The following FAXC variants were observed in gnomAD, a reference collection of about 807,000 sequenced individuals.
The protein encoded by FAXC is failed axon connections homolog, metaxin like GST domain containing.
In FAXC, 10 loss-of-function variants were observed where a neutral mutation model predicts 41.9. That is an observed-to-expected ratio of 0.24 (90% CI 0.15 to 0.41). The LOEUF is 0.41. Among genes scored for constraint, FAXC ranks in the 10% least tolerant of loss-of-function variants. The probability of loss-of-function intolerance (pLI) is 1.00; values close to 1 mark genes in which losing one functional copy is unlikely to be tolerated. For missense variants in FAXC, 399 were observed against 510.9 expected, an observed-to-expected ratio of 0.78 and a Z score of 2.11; for synonymous variants, 183 against 183.8, an observed-to-expected ratio of 1.00 and a Z score of 0.03.
chr6:99,301,352 C>T (rs1257439176), intron 4 of FAXC, among the ~76,000 whole-genome samples: 1 of 152,184 alleles, frequency 6.6e-6, no homozygotes, highest in Admixed American at 6.5e-5. Flanking sequence ...ACTCCTCTAC[C>T]GAATGTGCTT....
At chr6:99,337,436 G>T (rs951203422) in intron 2 of FAXC, among the ~76,000 whole-genome samples, 1 of 152,184 alleles carries the variant, frequency 6.6e-6, no homozygotes, top group African/African-American at 2.4e-5. Flanking sequence ...ATCAAATGAT[G>T]TAGGTGTCTT....
chr6:99,319,890 C>G (rs557072660), intron 4 of FAXC, among the ~76,000 whole-genome samples: 5 of 152,286 alleles, frequency 3.3e-5, no homozygotes, highest in South Asian at 2.1e-4. Context: ...ACTGAATTCT[C>G]TCATTAACTG....
At chr6:99,320,848 C>T (rs1772562279) in intron 4 of FAXC, among the ~76,000 whole-genome samples, 2 of 152,126 alleles carry the variant, frequency 1.3e-5, no homozygotes, top group South Asian at 2.1e-4. Flanking sequence ...CTCCCCAGTC[C>T]CCCCTGCTAT....
intron 5 of FAXC, among the ~76,000 whole-genome samples, chr6:99,289,462 G>A (rs1771148082): frequency 6.6e-6 from 1 of 152,072 alleles, no homozygotes; most frequent in Non-Finnish European, 1.5e-5. Context: ...ACCAGCCTGG[G>A]CAACACAGGA....
At chr6:99,332,781 C>G (rs751643666) in intron 3 of FAXC, among the ~76,000 whole-genome samples, 1 of 152,148 alleles carries the variant, frequency 6.6e-6, no homozygotes, top group Non-Finnish European at 1.5e-5. Flanking sequence ...CCATTCCCTC[C>G]TCTGAGTCTC....
intron 1 of FAXC, among the ~76,000 whole-genome samples, chr6:99,346,419 G>A (rs1773594359): frequency 6.6e-6 from 1 of 152,114 alleles, no homozygotes; most frequent in African/African-American, 2.4e-5. Context: ...ACGGAGTCTC[G>A]CTCTGTCGCC....
At chr6:99,339,325 G>A (rs774400665) in intron 2 of FAXC, among the ~76,000 whole-genome samples, 3 of 152,234 alleles carry the variant, frequency 2.0e-5, no homozygotes, top group East Asian at 1.9e-4. Flanking sequence ...AAGGACCAGA[G>A]TAGTTTGGGG....
At chr6:99,333,154 T>C (rs78723485) in intron 3 of FAXC, among the ~76,000 whole-genome samples, 197 bp downstream of exon 3, 2,036 of 152,314 alleles carry the variant, frequency 0.013, 49 homozygotes, top group African/African-American at 0.046. Context: ...GCTGGTCCTG[T>C]ACAGAAATGG....
In FAXC at chr6:99,346,452, T is replaced by A. The variant is rs548363630; in HGVS notation, c.266+2655A>T. Among the ~76,000 whole-genome samples the A allele has an allele frequency of 2.0e-5, 3 of 152,340 alleles. No homozygotes were observed. In the South Asian group the frequency reaches 6.2e-4, roughly 32 times the overall value. ...GCCAGGCTGGAGTGCAGTGGCACCA[T>A]CTCGGCTCACTGCAACCTCCGCCTC... On this transcript the variant is annotated intron_variant, in intron 1 of 5. Transcript: ENST00000389677.
upstream of FAXC, chr6:99,349,727 C>T (rs1773738192): frequency 6.6e-6 from 1 of 151,954 alleles, no homozygotes; most frequent in Non-Finnish European, 1.5e-5. Flanking sequence ...ATAAAGTCAC[C>T]TACCCCGCGC....
intron 4 of FAXC, among the ~76,000 whole-genome samples, chr6:99,308,023 G>A (rs758715400): frequency 9.2e-5 from 14 of 152,178 alleles, no homozygotes; most frequent in Admixed American, 2.6e-4. Flanking sequence ...CAGGCCAGTC[G>A]CAGTGGCTTA....
rs1483859838 is a variant in FAXC at position 99,281,411 on chromosome 6, C to T, written c.983G>A (p.Arg328Lys). The T allele has an allele frequency of 1.2e-6, 2 of 1,614,138 alleles. No homozygotes were observed. The highest frequency in any genetic ancestry group is 2.2e-5 in the East Asian group (1 of 44,878). Residue 328 changes from arginine (R) to lysine (K), a missense_variant, in exon 6 of 6, where the codon AGG (arginine) becomes AAG (lysine). Arg to Lys is a conservative substitution (Grantham distance 26). Around this residue, in one of 3 missense-constraint regions of FAXC, gnomAD observed 239 missense variants for 352.7 expected, o/e 0.68. Transcript: ENST00000389677. ...GTGGTGCCACTCTGGCCAAAATTTC[C>T]TCCTTATCCTCTCACAGTACATGGC... ...NLAMYCERIR[R>K]KFWPEWHHDD...
chr6:99,343,045 A>G lies in FAXC; in HGVS notation c.267-12T>C, dbSNP rs371407852. On this transcript the variant is annotated splice_polypyrimidine_tract_variant and intron_variant, in intron 1 of 5. Coordinates refer to ENST00000389677, the MANE Select transcript of FAXC (RefSeq NM_032511.4). Reference sequence around the variant, plus strand: ...TCTCTTGCTGTTTCCTGTCAAAACCAAAACAGAAATAAAGTACAATCCACA... The same window carrying G: ...TCTCTTGCTGTTTCCTGTCAAAACCGAAACAGAAATAAAGTACAATCCACA... 5 of 1,592,700 alleles carry G rather than the reference A, an allele frequency of 3.1e-6. No individual in the cohort carries two copies. The highest frequency in any genetic ancestry group is 3.7e-5 in the Admixed American group (2 of 54,390).
intron 4 of FAXC, among the ~76,000 whole-genome samples, chr6:99,320,792 ACT>A (rs1310359640): frequency 1.3e-5 from 2 of 151,652 alleles, no homozygotes; most frequent in Non-Finnish European, 2.9e-5. Flanking sequence ...CACTGGGACA[ACT>A]CTTTTCTTTC....
chr6:99,295,347 G>A (rs1771441930), intron 4 of FAXC, among the ~76,000 whole-genome samples: 1 of 152,184 alleles, frequency 6.6e-6, no homozygotes, highest in Non-Finnish European at 1.5e-5. Context: ...TAGATTTACA[G>A]AAATGTTGCA....
chr6:99,349,528 C>CGACTG lies in FAXC; in HGVS notation c.-157_-156insCAGTC. 3 of 354,676 alleles carry CGACTG rather than the reference C, an allele frequency of 8.5e-6. No homozygotes were observed. Among genetic ancestry groups the CGACTG allele is most frequent in the Non-Finnish European group, 1.1e-5 (3 of 264,204 alleles). 22.0% of individuals were successfully genotyped at this position (354,676 alleles called of 1,614,324 possible). On this transcript the variant is annotated 5_prime_UTR_variant, in exon 1 of 6. Transcript: ENST00000389677. Reference sequence around the variant, plus strand: ...GCGGCGGCGACTGAGGAGGCGGCGGCAGAGGAGGAGGAGGAGGAAGGGCAC... The same window carrying CGACTG: ...GCGGCGGCGACTGAGGAGGCGGCGGCGACTGAGAGGAGGAGGAGGAGGAAGGGCAC...
chr6:99,333,651 G>T, intron 2 of FAXC, 104 bp from the exon 3 acceptor site: 1 of 977,026 alleles, frequency 1.0e-6, no homozygotes, highest in Non-Finnish European at 1.5e-6. Context: ...GATAGTGACA[G>T]TACTACTCAA....
intron 3 of FAXC, among the ~76,000 whole-genome samples, chr6:99,329,139 C>A (rs1772934986): frequency 6.6e-6 from 1 of 152,188 alleles, no homozygotes; most frequent in African/African-American, 2.4e-5. Flanking sequence ...ATTTGGAAAG[C>A]TGACAAGGCT....
rs191921538 is a variant in FAXC at position 99,283,776 on chromosome 6, G to A, written c.941-2323C>T. Among the ~76,000 whole-genome samples the A allele has an allele frequency of 3.3e-5, 5 of 152,284 alleles. No homozygotes were observed. The East Asian group carries it at 9.6e-4, about 29-fold the overall frequency. On this transcript the variant is annotated intron_variant, in intron 5 of 5. Transcript: ENST00000389677. ...GAAAAAAAAAATATCTAATTGGGGA[G>A]GTAAAGAGACATCAAAGATGAAATA...
Sources: allele counts gnomAD v4.1 joint callset (sites outside exome capture counted in the v4.1 genomes callset), GRCh38; gene constraint gnomAD v4.1.1; regional missense constraint gnomAD v4.1.1; transcripts MANE v1.5; gene names NCBI Gene and HGNC (gene_info 2026-07-23, HGNC 2026-07-21).